The following SLC9C1 variants were observed in gnomAD, a reference collection of about 807,000 sequenced individuals.
The protein encoded by SLC9C1 is sodium/hydrogen exchanger 10.
In SLC9C1, 97 loss-of-function variants were observed where a neutral mutation model predicts 140.9. The observed-to-expected ratio is 0.69, with a 90% CI of 0.58 to 0.82. The LOEUF is 0.82. Ranked by LOEUF, SLC9C1 falls within the 40% of genes least tolerant of loss-of-function variation. The probability of loss-of-function intolerance (pLI) is 0.00; values close to 1 mark genes in which losing one functional copy is unlikely to be tolerated. For missense variants in SLC9C1, 1,340 were observed against 1,389.3 expected (o/e 0.96, Z 0.56); for synonymous variants, 440 against 442.6 (o/e 0.99, Z 0.07).
intron 14 of SLC9C1, among the ~76,000 whole-genome samples, chr3:112,219,197 A>G (rs552600466): frequency 6.6e-6 from 1 of 152,252 alleles, no homozygotes; most frequent in Admixed American, 6.5e-5. Context: ...CTCCTGTTTA[A>G]ACCCTCCACT....
At chr3:112,270,469 A>C (rs2080040219) in intron 6 of SLC9C1, among the ~76,000 whole-genome samples, 1 of 152,152 alleles carries the variant, frequency 6.6e-6, no homozygotes. Flanking sequence ...TGTGGTTTTC[A>C]TTTGCATTTC....
At chr3:112,233,530 G>A (rs2078893111) in intron 12 of SLC9C1, among the ~76,000 whole-genome samples, 1 of 151,952 alleles carries the variant, frequency 6.6e-6, no homozygotes, top group African/African-American at 2.4e-5. Flanking sequence ...TGTGCACAAT[G>A]TGCAAGTTAG....
intron 12 of SLC9C1, among the ~76,000 whole-genome samples, chr3:112,236,030 T>A (rs1296434696): frequency 1.3e-5 from 2 of 152,176 alleles, no homozygotes; most frequent in South Asian, 4.1e-4. Flanking sequence ...ATTGGAATAG[T>A]TTCAGAAGGA....
In SLC9C1 at chr3:112,239,917, G is replaced by A; in HGVS notation, c.1369C>T (p.Leu457Phe). 1 of 1,613,876 alleles carries A rather than the reference G, an allele frequency of 6.2e-7. No individual in the cohort carries two copies. Among genetic ancestry groups the A allele is most frequent in the Non-Finnish European group, 8.5e-7 (1 of 1,179,934 alleles). ...TTAGCAAGATCTTTGTCAAATTTAA[G>A]GGCAGAGGCTGCAGACTTGGTTAGC... ...QELTKSAASALKFDKDLANAD... is the reference protein window; with the variant it reads ...QELTKSAASAFKFDKDLANAD... Residue 457 changes from leucine to phenylalanine, a missense_variant, in exon 12 of 29, where the codon CTT (leucine) becomes TTT (phenylalanine). By Grantham distance (22) the Leu-to-Phe change is conservative. Transcript: ENST00000305815.
intron 10 of SLC9C1, among the ~76,000 whole-genome samples, chr3:112,256,933 C>T (rs1459594860): frequency 1.3e-5 from 2 of 151,974 alleles, no homozygotes; most frequent in Non-Finnish European, 2.9e-5. Context: ...AAGCCAAGAG[C>T]CAAATCAAGA....
chr3:112,247,909 C>A (rs145205155), intron 10 of SLC9C1, among the ~76,000 whole-genome samples: 4 of 139,304 alleles, frequency 2.9e-5, no homozygotes, highest in Non-Finnish European at 6.3e-5. Flanking sequence ...GTATCTCACA[C>A]GCTGAAATAT....
At chr3:112,142,283 A>AT (rs1229609669) in intron 28 of SLC9C1, among the ~76,000 whole-genome samples, 4 of 152,050 alleles carry the variant, frequency 2.6e-5, no homozygotes, top group African/African-American at 4.8e-5. Flanking sequence ...AATGTTAATA[A>AT]TTTTTTTTAA....
At chr3:112,276,605 G>A (rs1019035553) in intron 5 of SLC9C1, among the ~76,000 whole-genome samples, 9 of 151,914 alleles carry the variant, frequency 5.9e-5, no homozygotes, top group Non-Finnish European at 8.8e-5. Context: ...GGTACTCTTC[G>A]TAAATTAAGT....
At chr3:112,142,832 C>T (rs1479971031) in intron 28 of SLC9C1, among the ~76,000 whole-genome samples, 3 of 152,048 alleles carry the variant, frequency 2.0e-5, no homozygotes, top group Admixed American at 2.0e-4. Flanking sequence ...ATTCCATCAC[C>T]CAGGTACTGA....
intron 12 of SLC9C1, among the ~76,000 whole-genome samples, chr3:112,232,543 G>T (rs1301924330): frequency 2.0e-5 from 3 of 152,088 alleles, no homozygotes; most frequent in Non-Finnish European, 4.4e-5. Flanking sequence ...TTAAGCACTG[G>T]TTCAGTGGAT....
At chr3:112,215,736 C>T (rs2078344744) in intron 15 of SLC9C1, among the ~76,000 whole-genome samples, 1 of 152,192 alleles carries the variant, frequency 6.6e-6, no homozygotes, top group Non-Finnish European at 1.5e-5. Flanking sequence ...ACATTCCATG[C>T]TCTGGGGTAG....
intron 15 of SLC9C1, among the ~76,000 whole-genome samples, chr3:112,216,525 C>A (rs1458834246): frequency 1.3e-5 from 2 of 150,768 alleles, no homozygotes; most frequent in Non-Finnish European, 3.0e-5. Flanking sequence ...AAACAAACAA[C>A]CCCATCAAAA....
Position 112,277,691 on chromosome 3 carries a change from C to A in SLC9C1, c.484+4G>T. On this transcript the variant is annotated splice_donor_region_variant and intron_variant, in intron 5 of 28. Transcript: ENST00000305815. ...AATATAGAAAAAGAGAACAATATAC[C>A]TACCAAGGTCTCTTATAGCAGCTGC... 1.9e-6 allele frequency: 3 copies of A among 1,550,464 alleles called. No homozygotes were observed. Among genetic ancestry groups the A allele is most frequent in the South Asian group, 1.3e-5 (1 of 78,544 alleles).
chr3:112,283,643 T>C (rs565418126), intron 2 of SLC9C1, among the ~76,000 whole-genome samples: 2 of 152,140 alleles, frequency 1.3e-5, no homozygotes, highest in Non-Finnish European at 2.9e-5. Flanking sequence ...ATTAAAAGTT[T>C]TGTGAACTCA....
At chr3:112,251,128 G>A (rs1351631076) in intron 10 of SLC9C1, among the ~76,000 whole-genome samples, 1 of 152,114 alleles carries the variant, frequency 6.6e-6, no homozygotes, top group Non-Finnish European at 1.5e-5. Context: ...CCTCTATCAT[G>A]GAGAGAAATA....
At chr3:112,278,583 T>C in intron 4 of SLC9C1, 146 bp downstream of exon 4, 1 of 771,372 alleles carries the variant, frequency 1.3e-6, no homozygotes, top group South Asian at 2.3e-5. Context: ...TATGGCTTAT[T>C]CACTAAATGA....
intron 22 of SLC9C1, 54 bp downstream of exon 22, chr3:112,180,499 GGCAACAAGAGA>G: frequency 3.0e-6 from 4 of 1,345,764 alleles, no homozygotes; most frequent in Non-Finnish European, 4.1e-6. Context: ...CTCCAGCTTG[GGCAACAAGAGA>G]GAAACTCTGT....
At chr3:112,254,025 A>C (rs562753460) in intron 10 of SLC9C1, among the ~76,000 whole-genome samples, 99 of 152,352 alleles carry the variant, frequency 6.5e-4, no homozygotes, top group African/African-American at 2.3e-3. Flanking sequence ...GAAATAAGAC[A>C]GTCAGATAAA....
chr3:112,211,243 G>A (rs778318132), intron 15 of SLC9C1, among the ~76,000 whole-genome samples: 44 of 152,210 alleles, frequency 2.9e-4, no homozygotes, highest in Non-Finnish European at 4.4e-4. Flanking sequence ...CAAGATAGCC[G>A]AATAGGAACA....
Sources: gnomAD v4.1 joint callset for allele counts (sites outside exome capture counted in the v4.1 genomes callset) on GRCh38, gnomAD v4.1.1 for gene constraint, MANE v1.5 for transcripts, NCBI Gene and HGNC (gene_info 2026-07-23, HGNC 2026-07-21) for gene names.